The following SPRED1 variants were observed in gnomAD, a reference collection of about 807,000 sequenced individuals.
SPRED1 encodes sprouty-related, EVH1 domain-containing protein 1.
In SPRED1, 18 loss-of-function variants were observed where a neutral mutation model predicts 52.3. That is an observed-to-expected ratio of 0.34 (90% CI 0.24 to 0.51). The LOEUF (loss-of-function observed/expected upper bound fraction) is 0.51. Among genes scored for constraint, SPRED1 ranks in the 20% least tolerant of loss-of-function variants. The pLI is 0.97. For missense variants in SPRED1, 485 were observed against 551.0 expected (o/e 0.88, Z 1.20); for synonymous variants, 155 against 179.7 (o/e 0.86, Z 1.10).
intron 5 of SPRED1, 78 bp downstream of exon 5, chr15:38,339,973 AAC>A: frequency 1.9e-6 from 3 of 1,557,624 alleles, no homozygotes; most frequent in Non-Finnish European, 1.8e-6. Context: ...AGGACGTTAA[AAC>A]CATCTGCCCT....
At chr15:38,332,912 T>A (rs1325273626) in intron 4 of SPRED1, among the ~76,000 whole-genome samples, 1 of 152,172 alleles carries the variant, frequency 6.6e-6, no homozygotes, top group African/African-American at 2.4e-5. Context: ...GAGGGCCCAC[T>A]TTCAGGTTCA....
intron 2 of SPRED1, among the ~76,000 whole-genome samples, chr15:38,314,958 G>C (rs920207362): frequency 1.3e-5 from 2 of 151,568 alleles, no homozygotes; most frequent in African/African-American, 4.8e-5. Context: ...ATTTTTCAAT[G>C]TCTAAAGTCC....
At chr15:38,331,479 C>A (rs1895805683) in intron 4 of SPRED1, among the ~76,000 whole-genome samples, 1 of 152,026 alleles carries the variant, frequency 6.6e-6, no homozygotes, top group Non-Finnish European at 1.5e-5. Context: ...AGTCTGAACA[C>A]TTTATGCTCA....
At chr15:38,337,832 A>G (rs1895950730) in intron 4 of SPRED1, among the ~76,000 whole-genome samples, 1 of 151,924 alleles carries the variant, frequency 6.6e-6, no homozygotes, top group Non-Finnish European at 1.5e-5. Flanking sequence ...ATTACCACTG[A>G]TACTACTCCT....
chr15:38,306,663 G>T (rs766304269), intron 2 of SPRED1, among the ~76,000 whole-genome samples: 1 of 152,134 alleles, frequency 6.6e-6, no homozygotes, highest in African/African-American at 2.4e-5. Flanking sequence ...GAAGAAGTCT[G>T]CCTATTAGCA....
chr15:38,340,364 A>G (rs1896003198), intron 5 of SPRED1, among the ~76,000 whole-genome samples: 1 of 152,150 alleles, frequency 6.6e-6, no homozygotes, highest in South Asian at 2.1e-4. Context: ...GCAACCTTGC[A>G]GTCTTGGAAT....
At chr15:38,294,140 A>G (rs1014375776) in intron 1 of SPRED1, among the ~76,000 whole-genome samples, 1 of 152,092 alleles carries the variant, frequency 6.6e-6, no homozygotes, top group East Asian at 1.9e-4. Flanking sequence ...CATCATCCCA[A>G]CCTACTTCTA....
intron 4 of SPRED1, among the ~76,000 whole-genome samples, chr15:38,335,626 G>A (rs1895897973): frequency 6.6e-6 from 1 of 152,042 alleles, no homozygotes; most frequent in African/African-American, 2.4e-5. Context: ...CATTGTTACA[G>A]TATATTTGTA....
In SPRED1 at chr15:38,309,479, A is replaced by C. The variant is rs1461491048; in HGVS notation, c.207+9932A>C. Among the ~76,000 whole-genome samples, 3 of 152,164 alleles carry C rather than the reference A, an allele frequency of 2.0e-5. No individual in the cohort carries two copies. In the East Asian group the frequency reaches 5.8e-4, roughly 29 times the overall value. ...ATTGTGTTTGGAGAGTTATTTGTATATTCTAGCTACTAAGTCCTCTGTTGG... is the reference window on the plus strand; with the variant it reads ...ATTGTGTTTGGAGAGTTATTTGTATCTTCTAGCTACTAAGTCCTCTGTTGG... On this transcript the variant is annotated intron_variant, in intron 2 of 6. Transcript: ENST00000299084.
At chr15:38,300,659 T>C (rs1895133940) in intron 2 of SPRED1, among the ~76,000 whole-genome samples, 1 of 152,150 alleles carries the variant, frequency 6.6e-6, no homozygotes, top group South Asian at 2.1e-4. Flanking sequence ...GTTTTATGAG[T>C]TTATGATTCA....
intron 6 of SPRED1, among the ~76,000 whole-genome samples, chr15:38,349,889 C>G (rs1888444072): frequency 6.6e-6 from 1 of 152,144 alleles, no homozygotes; most frequent in African/African-American, 2.4e-5. Flanking sequence ...TTGTAGTAGA[C>G]TAGTCACTGT....
chr15:38,351,370 T>C lies in SPRED1; in HGVS notation c.1041T>C (p.Asn347=), dbSNP rs1426731737. 1.2e-6 allele frequency: 2 copies of C among 1,613,870 alleles called. No homozygotes were observed. Among genetic ancestry groups the C allele is most frequent in the Non-Finnish European group, 1.7e-6 (2 of 1,179,992 alleles). Residue 347 remains asparagine, a synonymous_variant, in exon 7 of 7, where the codon AAT becomes AAC. Transcript: ENST00000299084. ...AGGAAAGGTTTAATCATGAAGAAAA[T>C]GTTAGGGGAAAATGTCAGGATGCTC... ...YCQERFNHEE[N]VRGKCQDAPD...
chr15:38,278,826 C>CTTTTTT (rs1199715229), intron 1 of SPRED1, among the ~76,000 whole-genome samples: 21 of 39,890 alleles, frequency 5.3e-4, no homozygotes, highest in South Asian at 1.2e-3. Flanking sequence ...CCTAACTACA[C>CTTTTTT]TGTTTTTTTT....
chr15:38,312,073 T>G (rs1470379675), intron 2 of SPRED1, among the ~76,000 whole-genome samples: 6 of 152,118 alleles, frequency 3.9e-5, no homozygotes, highest in Admixed American at 6.6e-5. Flanking sequence ...TTAACATTAT[T>G]TATTAAATTA....
intron 1 of SPRED1, chr15:38,283,514 A>G: frequency 3.0e-6 from 3 of 984,922 alleles, no homozygotes; most frequent in South Asian, 4.7e-5. Flanking sequence ...GGGCATGATG[A>G]TGGAATCTGC....
chr15:38,286,067 G>T (rs1302265494), intron 1 of SPRED1, among the ~76,000 whole-genome samples: 1 of 151,866 alleles, frequency 6.6e-6, no homozygotes, highest in African/African-American at 2.4e-5. Context: ...AACATAGTGA[G>T]GCCCTGTCTC....
chr15:38,329,623 A>G (rs934675534), intron 4 of SPRED1, among the ~76,000 whole-genome samples: 23 of 152,166 alleles, frequency 1.5e-4, no homozygotes, highest in African/African-American at 5.5e-4. Context: ...AATTCTCTGT[A>G]TAACTTTTTG....
At position 38,336,558 on chromosome 15, in the gene SPRED1, A is replaced by ATT. The variant is rs199671224; in HGVS notation, c.424-3178_424-3177dup. On this transcript the variant is annotated intron_variant, in intron 4 of 6. Coordinates refer to ENST00000299084, the MANE Select transcript of SPRED1 (RefSeq NM_152594.3). ...AAGTTTTCTACTCTTCCCAATTTTG[A>ATT]TTATATATATACACACACACACACT... Among the ~76,000 whole-genome samples the ATT allele has an allele frequency of 8.5e-3, 1,285 of 150,728 alleles. 19 individuals carry two copies. The highest frequency in any genetic ancestry group is 0.03 in the African/African-American group (1,213 of 41,066).
chr15:38,276,831 T>G (rs1228376065), intron 1 of SPRED1, among the ~76,000 whole-genome samples: 3 of 152,214 alleles, frequency 2.0e-5, no homozygotes, highest in African/African-American at 7.2e-5. Flanking sequence ...TGAAACACTG[T>G]AGTTTATCCT....
Sources: gnomAD v4.1 joint callset for allele counts (sites outside exome capture counted in the v4.1 genomes callset) on GRCh38, gnomAD v4.1.1 for gene constraint, MANE v1.5 for transcripts, NCBI Gene and HGNC (gene_info 2026-07-23, HGNC 2026-07-21) for gene names.